ATRN: variants seen among roughly 807,000 people sequenced by gnomAD.
ATRN encodes attractin-2.
A neutral mutation model predicts 178.7 loss-of-function variants in ATRN; 54 were observed. That is an observed-to-expected ratio of 0.30 (90% CI 0.24 to 0.38). ATRN has a LOEUF of 0.38. ATRN is among the 10% of genes least tolerant of loss of function. The probability of loss-of-function intolerance (pLI) is 1.00; values close to 1 mark genes in which losing one functional copy is unlikely to be tolerated. For synonymous variants in ATRN, 636 were observed against 663.0 expected (o/e 0.96, Z 0.63); for missense variants, 1,443 against 1,815.1 (o/e 0.79, Z 3.73).
chr20:3,565,831 A>G (rs1311749845), intron 11 of ATRN, among the ~76,000 whole-genome samples: 1 of 150,256 alleles, frequency 6.7e-6, no homozygotes, highest in African/African-American at 2.4e-5. Flanking sequence ...GAGAAAAGTA[A>G]AGTGGAATTG....
chr20:3,513,947 T>A (rs2085172067), intron 1 of ATRN, among the ~76,000 whole-genome samples: 1 of 152,186 alleles, frequency 6.6e-6, no homozygotes, highest in Admixed American at 6.5e-5. Context: ...TGATTTTGTA[T>A]CCTGAGAGTT....
intron 24 of ATRN, among the ~76,000 whole-genome samples, chr20:3,610,404 TC>T (rs2086745617): frequency 6.6e-6 from 1 of 151,938 alleles, no homozygotes; most frequent in South Asian, 2.1e-4. Context: ...CATAAATATG[TC>T]CAACTGATTA....
chr20:3,496,601 G>C (rs2146099232), intron 1 of ATRN, among the ~76,000 whole-genome samples: 2 of 152,240 alleles, frequency 1.3e-5, no homozygotes, highest in East Asian at 3.9e-4. Context: ...AATAGGTGTG[G>C]TGTGGTGCTG....
intron 19 of ATRN, among the ~76,000 whole-genome samples, chr20:3,593,984 C>T (rs889459996): frequency 6.6e-6 from 1 of 152,150 alleles, no homozygotes; most frequent in Non-Finnish European, 1.5e-5. Flanking sequence ...CTGACCTTGG[C>T]ATTGGATCCT....
chr20:3,496,552 T>C (rs1252983748), intron 1 of ATRN, among the ~76,000 whole-genome samples: 1 of 152,156 alleles, frequency 6.6e-6, no homozygotes, highest in Non-Finnish European at 1.5e-5. Flanking sequence ...TTACATTTGC[T>C]GAGGAGAGCT....
chr20:3,597,459 T>TC (rs2146281308), intron 21 of ATRN, among the ~76,000 whole-genome samples: 1 of 152,308 alleles, frequency 6.6e-6, no homozygotes, highest in East Asian at 1.9e-4. Context: ...AAAACCACAG[T>TC]CAGATACAGC....
At chr20:3,567,867 A>G (rs903389561) in intron 11 of ATRN, among the ~76,000 whole-genome samples, 1 of 152,162 alleles carries the variant, frequency 6.6e-6, no homozygotes, top group Non-Finnish European at 1.5e-5. Context: ...GTGCAACCAG[A>G]TGGATTCACA....
intron 25 of ATRN, chr20:3,629,134 C>T (rs1257337278): frequency 4.1e-6 from 4 of 985,260 alleles, no homozygotes; most frequent in Middle Eastern, 5.2e-4. Flanking sequence ...TCCACCTCCA[C>T]TCCCCACCCC....
At chr20:3,602,963 CAAAAAAAAAAAAA>C (rs3842439) in intron 23 of ATRN, among the ~76,000 whole-genome samples, 165 of 40,868 alleles carry the variant, frequency 4.0e-3, no homozygotes, top group African/African-American at 0.014. Flanking sequence ...AATTCCATCT[CAAAAAAAAAAAAA>C]AAAAAAAAAA....
chr20:3,486,434 G>A (rs1341382477), intron 1 of ATRN, among the ~76,000 whole-genome samples: 2 of 151,718 alleles, frequency 1.3e-5, no homozygotes, highest in African/African-American at 4.8e-5. Context: ...TTGAGACAGA[G>A]TCTTGCTCTT....
intron 1 of ATRN, among the ~76,000 whole-genome samples, chr20:3,526,053 A>G (rs772831842): frequency 2.6e-4 from 39 of 152,216 alleles, no homozygotes; most frequent in Admixed American, 2.5e-3. Context: ...TGGCCAGGGC[A>G]ATCAGACAAG....
At chr20:3,574,237 C>T (rs985945663) in intron 12 of ATRN, among the ~76,000 whole-genome samples, 1 of 152,180 alleles carries the variant, frequency 6.6e-6, no homozygotes, top group Non-Finnish European at 1.5e-5. Flanking sequence ...CAGGGCCAGC[C>T]ACAGGGGCTC....
intron 22 of ATRN, among the ~76,000 whole-genome samples, chr20:3,599,827 A>C (rs1280512209): frequency 6.6e-6 from 1 of 152,198 alleles, no homozygotes; most frequent in Non-Finnish European, 1.5e-5. Context: ...TAAACACTTG[A>C]GCTGTCCTTT....
intron 11 of ATRN, among the ~76,000 whole-genome samples, chr20:3,569,284 A>C (rs535448830): frequency 5.9e-5 from 9 of 152,298 alleles, no homozygotes; most frequent in African/African-American, 2.2e-4. Context: ...CTTAGGCTAC[A>C]CATCTAGGCT....
chr20:3,639,091 C>T (rs2087047285), intron 27 of ATRN, among the ~76,000 whole-genome samples, 156 bp downstream of exon 27: 1 of 152,096 alleles, frequency 6.6e-6, no homozygotes, highest in Admixed American at 6.6e-5. Flanking sequence ...TTGCTGGGTA[C>T]TCTTTTGCTT....
At chr20:3,588,521 G>A (rs1385436934) in intron 18 of ATRN, among the ~76,000 whole-genome samples, 1 of 152,076 alleles carries the variant, frequency 6.6e-6, no homozygotes, top group East Asian at 1.9e-4. Context: ...CTGGGATAAA[G>A]CCCATTTAGT....
chr20:3,616,234 T>C (rs1467201470), intron 24 of ATRN, among the ~76,000 whole-genome samples: 2 of 152,122 alleles, frequency 1.3e-5, no homozygotes, highest in Non-Finnish European at 2.9e-5. Context: ...CAGGTAAATC[T>C]TTGTCTCTAG....
At position 3,604,264 on chromosome 20, in the gene ATRN, TAAG is replaced by T; in HGVS notation, c.3801+7_3801+9del. 6.3e-7 allele frequency: 1 copy of T among 1,593,840 alleles called. No individual in the cohort carries two copies. Among genetic ancestry groups the T allele is most frequent in the Non-Finnish European group, 8.5e-7 (1 of 1,173,966 alleles). ...TTCACCTGGCCCATCAAAATTCAGGTAAGAAGAGGCTTTTGGTCTCATACCTGC... is the reference window on the plus strand; with the variant it reads ...TTCACCTGGCCCATCAAAATTCAGGTAAGAGGCTTTTGGTCTCATACCTGC... On this transcript the variant is annotated splice_donor_5th_base_variant and intron_variant, in intron 24 of 28. Coordinates refer to ENST00000262919, the MANE Select transcript of ATRN (RefSeq NM_139321.3).
intron 1 of ATRN, among the ~76,000 whole-genome samples, chr20:3,529,925 C>A (rs954766333): frequency 2.0e-5 from 3 of 151,900 alleles, no homozygotes; most frequent in Non-Finnish European, 4.4e-5. Flanking sequence ...AGAAACAAAA[C>A]CTAACCAAGT....
Sources: allele counts gnomAD v4.1 joint callset (sites outside exome capture counted in the v4.1 genomes callset), GRCh38; gene constraint gnomAD v4.1.1; transcripts MANE v1.5; gene names NCBI Gene and HGNC (gene_info 2026-07-23, HGNC 2026-07-21).